Variants in PHF14 observed in about 807,000 individuals in gnomAD.
PHF14 encodes the protein PHD finger protein 14.
A neutral mutation model predicts 117.9 loss-of-function variants in PHF14; 55 were observed. The observed-to-expected ratio is 0.47, with a 90% CI of 0.38 to 0.58. The LOEUF (loss-of-function observed/expected upper bound fraction) is 0.58. PHF14 is among the 20% of genes least tolerant of loss of function. The probability of loss-of-function intolerance (pLI) is 0.00; values close to 1 mark genes in which losing one functional copy is unlikely to be tolerated. For missense variants in PHF14, 978 were observed against 1,122.2 expected (o/e 0.87, Z 1.84); for synonymous variants, 409 against 368.6 (o/e 1.11, Z -1.26).
intron 14 of PHF14, among the ~76,000 whole-genome samples, chr7:11,054,234 C>T (rs1180459974): frequency 6.6e-6 from 1 of 151,840 alleles, no homozygotes; most frequent in East Asian, 1.9e-4. Flanking sequence ...AGACTTTGGA[C>T]CCACCCTAGA....
chr7:11,028,666 G>T lies in PHF14; in HGVS notation c.1318-15G>T. 6.2e-7 allele frequency: 1 copy of T among 1,612,634 alleles called. No individual in the cohort carries two copies. Among genetic ancestry groups the T allele is most frequent in the Non-Finnish European group, 8.5e-7 (1 of 1,179,264 alleles). On this transcript the variant is annotated splice_polypyrimidine_tract_variant and intron_variant, in intron 6 of 17. Transcript: ENST00000634607. Reference sequence around the variant, plus strand: ...ATAAGTTTGCTTTGAGAATTTTTCTGTTACTTTGTTGTAGGAGTGTAGCTT... The same window carrying T: ...ATAAGTTTGCTTTGAGAATTTTTCTTTTACTTTGTTGTAGGAGTGTAGCTT...
chr7:11,159,583 G>C (rs891327057), intron 17 of PHF14, among the ~76,000 whole-genome samples: 1 of 151,966 alleles, frequency 6.6e-6, no homozygotes, highest in Non-Finnish European at 1.5e-5. Context: ...AGAAAAGTGG[G>C]CAAAAATTAG....
chr7:11,046,730 G>A (rs576744714), intron 13 of PHF14, among the ~76,000 whole-genome samples: 1 of 152,244 alleles, frequency 6.6e-6, no homozygotes, highest in African/African-American at 2.4e-5. Flanking sequence ...TACCCATAAT[G>A]CAGAAGTAGG....
chr7:11,129,483 A>G (rs1429259517), intron 17 of PHF14, among the ~76,000 whole-genome samples: 2 of 151,936 alleles, frequency 1.3e-5, no homozygotes, highest in African/African-American at 2.4e-5. Flanking sequence ...AGAATAAAGA[A>G]CACTGGCATT....
chr7:11,080,294 A>G (rs1402160766), intron 16 of PHF14, among the ~76,000 whole-genome samples: 4 of 152,144 alleles, frequency 2.6e-5, no homozygotes, highest in African/African-American at 9.6e-5. Context: ...GATAACTTAT[A>G]TTACACGTGC....
intron 3 of PHF14, among the ~76,000 whole-genome samples, chr7:10,990,168 G>C (rs1782397060): frequency 1.3e-5 from 2 of 152,120 alleles, no homozygotes; most frequent in South Asian, 4.1e-4. Flanking sequence ...TACTTAAGGA[G>C]TATAGAGTCC....
chr7:10,985,860 C>G (rs1782206391), intron 3 of PHF14, among the ~76,000 whole-genome samples: 1 of 151,956 alleles, frequency 6.6e-6, no homozygotes, highest in African/African-American at 2.4e-5. Flanking sequence ...ACCATGTTGG[C>G]CAGGCTGTTC....
intron 6 of PHF14, among the ~76,000 whole-genome samples, chr7:11,026,243 G>A (rs1783907871): frequency 6.6e-6 from 1 of 152,114 alleles, no homozygotes; most frequent in African/African-American, 2.4e-5. Context: ...ATGACTTGCT[G>A]AAGGCTCAAG....
chr7:11,045,975 A>G (rs1003227834), intron 13 of PHF14, among the ~76,000 whole-genome samples: 7 of 152,192 alleles, frequency 4.6e-5, no homozygotes, highest in African/African-American at 1.7e-4. Context: ...GCCCAGGAGA[A>G]GGAGAGGGGA....
intron 5 of PHF14, among the ~76,000 whole-genome samples, chr7:11,016,549 G>T (rs940466539): frequency 6.6e-6 from 1 of 151,822 alleles, no homozygotes; most frequent in African/African-American, 2.4e-5. Context: ...TTATAAACCT[G>T]ACTGTGGGAA....
chr7:11,075,346 G>C (rs1041797114), intron 16 of PHF14, among the ~76,000 whole-genome samples: 3 of 152,074 alleles, frequency 2.0e-5, no homozygotes, highest in African/African-American at 7.2e-5. Context: ...AAAGAAAAGA[G>C]GTTTATTTGG....
At chr7:11,077,782 A>C (rs913849214) in intron 16 of PHF14, among the ~76,000 whole-genome samples, 8 of 152,072 alleles carry the variant, frequency 5.3e-5, no homozygotes, top group Non-Finnish European at 1.0e-4. Context: ...AAATGAGTGG[A>C]GCAATACAAG....
rs113731675 is a variant in PHF14, at chr7:11,152,886, T to C, written c.2773-16530T>C. On this transcript the variant is annotated intron_variant, in intron 17 of 17. Coordinates refer to ENST00000634607, the MANE Select transcript of PHF14 (RefSeq NM_001007157.2). ...AAAGTCAGAGGAAACACCTACTGCA[T>C]TTTGTTCAGGAATCAGAGGGAAGAG... Among the ~76,000 whole-genome samples the C allele has an allele frequency of 7.4e-3, 1,126 of 152,258 alleles. 13 individuals carry two copies. Among genetic ancestry groups the C allele is most frequent in the African/African-American group, 0.026 (1,078 of 41,550 alleles).
intron 4 of PHF14, among the ~76,000 whole-genome samples, chr7:11,002,302 G>A (rs17163895): frequency 0.013 from 1,942 of 152,128 alleles, 46 homozygotes; most frequent in East Asian, 0.11. Flanking sequence ...TGTGGACGAT[G>A]TCATGCTGGA....
At chr7:11,112,396 A>G (rs1272917204) in intron 17 of PHF14, among the ~76,000 whole-genome samples, 1 of 152,222 alleles carries the variant, frequency 6.6e-6, no homozygotes, top group African/African-American at 2.4e-5. Context: ...GCCTTCTGCA[A>G]AAGTTTATTT....
intron 17 of PHF14, among the ~76,000 whole-genome samples, chr7:11,160,422 T>G (rs1478978280): frequency 6.6e-6 from 1 of 152,222 alleles, no homozygotes; most frequent in Admixed American, 6.5e-5. Context: ...ATATACCCAG[T>G]AATGGGATTG....
intron 4 of PHF14, among the ~76,000 whole-genome samples, chr7:10,997,207 A>G (rs1042645619): frequency 3.3e-5 from 5 of 152,174 alleles, no homozygotes; most frequent in African/African-American, 7.2e-5. Flanking sequence ...GTAGAGTTTA[A>G]TATCCTCAAG....
At chr7:11,090,627 A>G (rs182847156) in intron 16 of PHF14, among the ~76,000 whole-genome samples, 1 of 152,312 alleles carries the variant, frequency 6.6e-6, no homozygotes, top group Admixed American at 6.5e-5. Flanking sequence ...TTGTAACTGT[A>G]AAGAAATTGT....
chr7:10,978,173 A>G (rs866923163), intron 2 of PHF14, among the ~76,000 whole-genome samples: 18 of 152,326 alleles, frequency 1.2e-4, no homozygotes, highest in Middle Eastern at 3.4e-3. Flanking sequence ...ACTTTGAATA[A>G]GTGGACCAAG....
Sources: gnomAD v4.1 joint callset for allele counts (sites outside exome capture counted in the v4.1 genomes callset) on GRCh38, gnomAD v4.1.1 for gene constraint, MANE v1.5 for transcripts, NCBI Gene and HGNC (gene_info 2026-07-23, HGNC 2026-07-21) for gene names.